KCNAB1: variants seen among roughly 807,000 people sequenced by gnomAD.
KCNAB1 encodes potassium voltage-gated channel subfamily A regulatory beta subunit 1.
A neutral mutation model predicts 64.6 loss-of-function variants in KCNAB1; 35 were observed. That is an observed-to-expected ratio of 0.54 (90% CI 0.41 to 0.72). KCNAB1 has a LOEUF of 0.72. KCNAB1 is among the 30% of genes least tolerant of loss of function. KCNAB1 has a pLI of 0.00. For missense variants in KCNAB1, 401 were observed against 512.9 expected (o/e 0.78, Z 2.11); for synonymous variants, 177 against 183.8 (o/e 0.96, Z 0.30).
chr3:156,373,135 G>A (rs752091393), intron 1 of KCNAB1, among the ~76,000 whole-genome samples: 1 of 152,242 alleles, frequency 6.6e-6, no homozygotes, highest in Non-Finnish European at 1.5e-5. Flanking sequence ...AACACAGGCA[G>A]CTCTGAGCTT....
chr3:156,435,822 T>C (rs1373401063), intron 2 of KCNAB1, among the ~76,000 whole-genome samples: 1 of 151,674 alleles, frequency 6.6e-6, no homozygotes, highest in Non-Finnish European at 1.5e-5. Context: ...TGTGTGCATG[T>C]TCAGTTCTAT....
At chr3:156,244,131 CAA>C (rs1483953353) in intron 1 of KCNAB1, among the ~76,000 whole-genome samples, 4 of 152,220 alleles carry the variant, frequency 2.6e-5, no homozygotes. Context: ...TAAAACAACA[CAA>C]ATTTATTCTC....
chr3:156,234,634 T>C (rs1289398167), intron 1 of KCNAB1, among the ~76,000 whole-genome samples: 1 of 151,974 alleles, frequency 6.6e-6, no homozygotes, highest in Non-Finnish European at 1.5e-5. Flanking sequence ...AATGGGAAGA[T>C]GAAAGGACTA....
intron 1 of KCNAB1, among the ~76,000 whole-genome samples, chr3:156,412,383 T>C (rs1183475874): frequency 6.6e-6 from 1 of 152,158 alleles, no homozygotes; most frequent in East Asian, 1.9e-4. Flanking sequence ...TATTGTACTA[T>C]GACAGTGAAT....
At chr3:156,389,513 G>A (rs1359001361) in intron 1 of KCNAB1, among the ~76,000 whole-genome samples, 1 of 152,192 alleles carries the variant, frequency 6.6e-6, no homozygotes, top group Non-Finnish European at 1.5e-5. Flanking sequence ...GAAGAGATCT[G>A]TTTATGGCAG....
chr3:156,176,686 G>T, intron 1 of KCNAB1: 2 of 1,049,346 alleles, frequency 1.9e-6, no homozygotes, highest in Non-Finnish European at 3.0e-6. Context: ...GGTTGGGGGT[G>T]GAACTTGCAG....
chr3:156,124,799 C>T (rs1006280847), intron 1 of KCNAB1, among the ~76,000 whole-genome samples: 88 of 151,932 alleles, frequency 5.8e-4, no homozygotes, highest in African/African-American at 2.0e-3. Context: ...TGAACTTTTC[C>T]GGGTCTCAAT....
rs77165724 is a variant in KCNAB1 at position 156,383,225 on chromosome 3, C to A, written c.276-38391C>A. 7.1e-3 allele frequency among the ~76,000 whole-genome samples: 1,087 copies of A among 152,260 alleles called. 13 individuals carry two copies. The highest frequency in any genetic ancestry group is 0.026 in the African/African-American group (1,061 of 41,540). ...TTGGGAGCAAGGAGTAGGTACATTC[C>A]CAAGGGTCAATTCAAGTTGGCCTGA... On this transcript the variant is annotated intron_variant, in intron 1 of 13. Coordinates refer to ENST00000490337, the MANE Select transcript of KCNAB1 (RefSeq NM_172160.3).
At chr3:156,380,382 G>C (rs569126286) in intron 1 of KCNAB1, among the ~76,000 whole-genome samples, 43 of 152,292 alleles carry the variant, frequency 2.8e-4, no homozygotes, top group African/African-American at 1.0e-3. Context: ...GCATTCCTTG[G>C]TGTACTGAGC....
At chr3:156,532,758 C>T (rs1027975081) in intron 13 of KCNAB1, among the ~76,000 whole-genome samples, 4 of 152,136 alleles carry the variant, frequency 2.6e-5, no homozygotes, top group East Asian at 1.9e-4. Context: ...CCTGTAGCTA[C>T]GTGAGGAATT....
chr3:156,535,775 G>C (rs546459201), intron 13 of KCNAB1, among the ~76,000 whole-genome samples: 1 of 147,612 alleles, frequency 6.8e-6, no homozygotes, highest in African/African-American at 2.5e-5. Context: ...CTATTGCCTG[G>C]CTTGGATTGT....
At chr3:156,143,124 G>C in intron 1 of KCNAB1, 1 of 1,500,602 alleles carries the variant, frequency 6.7e-7, no homozygotes, top group Non-Finnish European at 8.9e-7. Flanking sequence ...AAGATACAGT[G>C]AGTCTTAAAG....
chr3:156,432,849 C>T lies in KCNAB1; in HGVS notation c.319+11190C>T, dbSNP rs529707539. On this transcript the variant is annotated intron_variant, in intron 2 of 13. Coordinates refer to ENST00000490337, the MANE Select transcript of KCNAB1 (RefSeq NM_172160.3). ...CCTGAGACATGTTGCTACAGGTGAC[C>T]TTCTGTCTGACTTCGTTACCTAACC... 2.8e-4 allele frequency among the ~76,000 whole-genome samples: 42 copies of T among 152,224 alleles called. No individual in the cohort carries two copies. In the South Asian group the frequency reaches 5.8e-3, roughly 21 times the overall value.
At chr3:156,197,141 AG>A (rs1714002701) in intron 1 of KCNAB1, among the ~76,000 whole-genome samples, 1 of 152,208 alleles carries the variant, frequency 6.6e-6, no homozygotes, top group African/African-American at 2.4e-5. Context: ...CTTGCATCCC[AG>A]GGATGAAGCT....
At chr3:156,254,566 T>A (rs1346203055) in intron 1 of KCNAB1, among the ~76,000 whole-genome samples, 2 of 152,222 alleles carry the variant, frequency 1.3e-5, no homozygotes, top group Non-Finnish European at 2.9e-5. Context: ...TTATTTGCAG[T>A]TCTTTCCAGG....
chr3:156,342,255 C>T (rs1479508906), intron 1 of KCNAB1, among the ~76,000 whole-genome samples: 1 of 152,228 alleles, frequency 6.6e-6, no homozygotes, highest in Non-Finnish European at 1.5e-5. Flanking sequence ...GACTACACTT[C>T]AGGGTTGGGG....
At chr3:156,486,994 A>C (rs570122733) in intron 8 of KCNAB1, among the ~76,000 whole-genome samples, 1 of 152,132 alleles carries the variant, frequency 6.6e-6, no homozygotes, top group Admixed American at 6.5e-5. Context: ...TAGGAGATTT[A>C]AAAAAATTAA....
intron 1 of KCNAB1, among the ~76,000 whole-genome samples, chr3:156,157,144 G>T (rs929629712): frequency 6.6e-6 from 1 of 152,154 alleles, no homozygotes; most frequent in African/African-American, 2.4e-5. Context: ...GAACATGGAG[G>T]CCACTATTTA....
intron 1 of KCNAB1, among the ~76,000 whole-genome samples, chr3:156,342,610 T>TTTTTTTTTTTTTTTTTTTTCA (rs1724214562): frequency 1.5e-5 from 1 of 68,284 alleles, no homozygotes; most frequent in African/African-American, 1.1e-4. Context: ...TTTTTTTTAA[T>TTTTTTTTTTTTTTTTTTTTCA]TTTTTTTTTT....
Sources: gnomAD v4.1 joint callset for allele counts (sites outside exome capture counted in the v4.1 genomes callset) on GRCh38, gnomAD v4.1.1 for gene constraint, MANE v1.5 for transcripts, NCBI Gene and HGNC (gene_info 2026-07-23, HGNC 2026-07-21) for gene names.